Variants in EFTUD2 observed in about 807,000 individuals in gnomAD.
EFTUD2 encodes the protein elongation factor Tu GTP binding domain containing 2.
In EFTUD2, 9 loss-of-function variants were observed where a neutral mutation model predicts 114.3. That is an observed-to-expected ratio of 0.08 (90% confidence interval 0.05 to 0.14). EFTUD2 has a LOEUF of 0.14. EFTUD2 is among the 10% of genes least tolerant of loss of function. EFTUD2 has a pLI of 1.00. For missense variants in EFTUD2, 765 were observed against 1,241.2 expected (o/e 0.62, Z 5.76); for synonymous variants, 449 against 462.3 (o/e 0.97, Z 0.37).
At position 44,868,357 on chromosome 17, in the gene EFTUD2, G is replaced by A. The variant is rs1477468180; in HGVS notation, c.995-7C>T. On this transcript the variant is annotated splice_region_variant and splice_polypyrimidine_tract_variant and intron_variant, in intron 11 of 27. Transcript: ENST00000426333. ...TCTTGGTAATTAATGTCACCTATGG[G>A]AGAAGCCACACAATTATAATCTACC... The A allele has an allele frequency of 1.9e-6, 3 of 1,613,280 alleles. No homozygotes were observed. The highest frequency in any genetic ancestry group is 2.5e-6 in the Non-Finnish European group (3 of 1,179,714).
At chr17:44,876,680 G>C (rs945791341) in intron 9 of EFTUD2, among the ~76,000 whole-genome samples, 1 of 151,572 alleles carries the variant, frequency 6.6e-6, no homozygotes, top group African/African-American at 2.4e-5. Context: ...GTGAAACCCT[G>C]TCTCGACTAA....
chr17:44,884,568 T>C (rs756298101), intron 4 of EFTUD2, among the ~76,000 whole-genome samples: 3 of 149,742 alleles, frequency 2.0e-5, no homozygotes, highest in Non-Finnish European at 3.0e-5. Flanking sequence ...CCTACACATA[T>C]ATCTACCTCC....
intron 13 of EFTUD2, among the ~76,000 whole-genome samples, chr17:44,866,551 GTATTTT>G (rs2050749302): frequency 6.6e-6 from 1 of 152,014 alleles, no homozygotes; most frequent in Non-Finnish European, 1.5e-5. Context: ...GCTAATTTTT[GTATTTT>G]TAGTAGAAAT....
chr17:44,863,079 G>A lies in EFTUD2; in HGVS notation c.1414-173C>T, dbSNP rs188909380. On this transcript the variant is annotated intron_variant, in intron 15 of 27. Coordinates refer to ENST00000426333, the MANE Select transcript of EFTUD2 (RefSeq NM_004247.4). ...CCATCCCTCTGAGAAGGATGAATAG[G>A]AGACATGGCAGAGCAAAAATATTCT... is the stretch of plus-strand genomic sequence containing the variant. The A allele has an allele frequency of 2.6e-4, 126 of 493,428 alleles. No individual in the cohort carries two copies. The East Asian group carries it at 3.4e-3, about 13-fold the overall frequency. 30.6% of individuals were successfully genotyped at this position (493,428 alleles called of 1,614,324 possible).
Position 44,877,913 on chromosome 17 carries a change from C to T in EFTUD2, c.702+1643G>A, listed in dbSNP as rs539591250. ...TTGGGAGGCCTAGGTGGGCAGATCA[C>T]TTGAGGTCAGGAGTTCGAGACCAGC... On this transcript the variant is annotated intron_variant, in intron 9 of 27. Transcript: ENST00000426333. Among the ~76,000 whole-genome samples the T allele has an allele frequency of 9.2e-5, 14 of 152,158 alleles. No homozygotes were observed. In the South Asian group the frequency reaches 2.9e-3, roughly 32 times the overall value.
At chr17:44,883,889 G>A in intron 4 of EFTUD2, 165 bp from the exon 5 acceptor site, 1 of 634,810 alleles carries the variant, frequency 1.6e-6, no homozygotes, top group Non-Finnish European at 2.8e-6. Flanking sequence ...CTGGCTTTGG[G>A]AATGCAAGAA....
chr17:44,885,698 T>C (rs1372918351), intron 3 of EFTUD2, among the ~76,000 whole-genome samples: 1 of 152,126 alleles, frequency 6.6e-6, no homozygotes, highest in African/African-American at 2.4e-5. Flanking sequence ...GGTTTCACTG[T>C]TACCCAGGCT....
At chr17:44,867,035 A>C (rs1170594359) in intron 13 of EFTUD2, among the ~76,000 whole-genome samples, 1 of 152,188 alleles carries the variant, frequency 6.6e-6, no homozygotes, top group Admixed American at 6.5e-5. Context: ...CAAACCTAGG[A>C]GTTTGAAGCT....
chr17:44,859,457 G>A, intron 18 of EFTUD2: 1 of 539,014 alleles, frequency 1.9e-6, no homozygotes, highest in South Asian at 2.2e-5. Context: ...TATACCCATG[G>A]ACATAAGCTA....
chr17:44,853,907 T>C, intron 23 of EFTUD2: 1 of 1,364,240 alleles, frequency 7.3e-7, no homozygotes, highest in Non-Finnish European at 9.4e-7. Flanking sequence ...CATATTTACA[T>C]TTTTGTGGAT....
Position 44,883,423 on chromosome 17 carries a change from T to C in EFTUD2, c.426+226A>G, listed in dbSNP as rs2051108684. On this transcript the variant is annotated intron_variant, in intron 5 of 27. Coordinates refer to ENST00000426333, the MANE Select transcript of EFTUD2 (RefSeq NM_004247.4). ...CTCAATTTCCCATCTTCTGTCCAGA[T>C]GTAGACATAAGGCTCAGGCATGCAA... 5 of 610,602 alleles carry C rather than the reference T, an allele frequency of 8.2e-6. No homozygotes were observed. The South Asian group carries it at 1.0e-4, about 12-fold the overall frequency. The allele number at this position is 610,602 out of a possible 1,614,324, so 37.8% of individuals were successfully genotyped here.
intron 6 of EFTUD2, among the ~76,000 whole-genome samples, chr17:44,882,829 T>C (rs2051096726): frequency 6.6e-6 from 1 of 152,110 alleles, no homozygotes; most frequent in Admixed American, 6.5e-5. Flanking sequence ...GAATAGACTA[T>C]AAAAGTCAGG....
intron 19 of EFTUD2, among the ~76,000 whole-genome samples, chr17:44,857,958 A>G (rs1481262883): frequency 2.5e-5 from 3 of 121,760 alleles, no homozygotes; most frequent in African/African-American, 1.0e-4. Flanking sequence ...GTCTCGCCCT[A>G]TCACCCAGGC....
intron 19 of EFTUD2, 116 bp downstream of exon 19, chr17:44,858,964 G>C: frequency 1.4e-6 from 1 of 733,634 alleles, no homozygotes; most frequent in African/African-American, 1.7e-5. Flanking sequence ...AACAGATCAT[G>C]GTTTTCACAA....
chr17:44,876,199 G>A, intron 9 of EFTUD2, 99 bp from the exon 10 acceptor site: 1 of 1,406,952 alleles, frequency 7.1e-7, no homozygotes, highest in South Asian at 1.5e-5. Context: ...ATGAAGCCTG[G>A]GGAGAAAAAA....
chr17:44,854,303 C>T lies in EFTUD2; in HGVS notation c.2313G>A (p.Gln771=), dbSNP rs1326465520. Residue 771 remains glutamine, a synonymous_variant, in exon 23 of 28, where the codon CAG becomes CAA. Transcript: ENST00000426333. This position sits in a 1 kb window ranked among gnomAD's most constrained non-coding sequence, Gnocchi z 4.3. ...SVKDSIVQGF[Q]WGTREGPLCD... ...AGAGGGGGCCCTCCCTGGTTCCCCA[C>T]TGGAAACCTTGAACGATGCTGTCCT... 1.2e-6 allele frequency: 2 copies of T among 1,613,882 alleles called. No individual in the cohort carries two copies. Among genetic ancestry groups the T allele is most frequent in the African/African-American group, 1.3e-5 (1 of 74,922 alleles).
intron 13 of EFTUD2, among the ~76,000 whole-genome samples, chr17:44,867,081 T>C (rs1219012242): frequency 2.0e-5 from 3 of 152,214 alleles, no homozygotes; most frequent in African/African-American, 7.2e-5. Flanking sequence ...CACTCCCACC[T>C]GGGCGACAGA....
chr17:44,885,429 A>G (rs942556282), intron 3 of EFTUD2, 95 bp from the exon 4 acceptor site: 2 of 834,310 alleles, frequency 2.4e-6, no homozygotes, highest in Non-Finnish European at 4.1e-6. Context: ...AGAATGTATG[A>G]TGTATGACAT....
At chr17:44,891,284 C>A (rs894946100) in intron 2 of EFTUD2, among the ~76,000 whole-genome samples, 1 of 152,192 alleles carries the variant, frequency 6.6e-6, no homozygotes, top group African/African-American at 2.4e-5. Context: ...AATTAAATAA[C>A]AGCAGAGCTC....
Sources: gnomAD v4.1 joint callset for allele counts (sites outside exome capture counted in the v4.1 genomes callset) on GRCh38, gnomAD v4.1.1 for gene constraint, Gnocchi (gnomAD v3.1) non-coding constraint, MANE v1.5 for transcripts, NCBI Gene and HGNC (gene_info 2026-07-23, HGNC 2026-07-21) for gene names.